The following LINGO2 variants were observed in gnomAD, a reference collection of about 807,000 sequenced individuals.
LINGO2 encodes the protein leucine-rich repeat and immunoglobulin-like domain-containing nogo receptor-interacting protein 2.
LINGO2 carries 14 observed loss-of-function variants against 30.6 expected under a neutral mutation model. The observed-to-expected ratio is 0.46, with a 90% CI of 0.30 to 0.72. LINGO2 has a LOEUF of 0.72. Ranked by LOEUF, LINGO2 falls within the 30% of genes least tolerant of loss-of-function variation. The probability of loss-of-function intolerance (pLI) is 0.07; values close to 1 mark genes in which losing one functional copy is unlikely to be tolerated. For missense variants in LINGO2, 729 were observed against 751.7 expected, an observed-to-expected ratio of 0.97 and a Z score of 0.35; for synonymous variants, 317 against 288.5, an observed-to-expected ratio of 1.10 and a Z score of -1.00.
chr9:28,962,019 G>A, the LINGO2 span, among the ~76,000 whole-genome samples: 1,767 of 152,104 alleles, frequency 0.012, 13 homozygotes, highest in Admixed American at 0.018. Context: ...AAGCTTTAGG[G>A]AAAAAATACA....
the LINGO2 span, among the ~76,000 whole-genome samples, chr9:28,895,868 T>C: frequency 6.6e-6 from 1 of 152,120 alleles, no homozygotes; most frequent in African/African-American, 2.4e-5. Flanking sequence ...TTTAAAAATT[T>C]TAGATGATTG....
At chr9:28,100,598 T>A (rs1826385657) in intron 4 of LINGO2, among the ~76,000 whole-genome samples, 1 of 152,196 alleles carries the variant, frequency 6.6e-6, no homozygotes. Flanking sequence ...AAGACAATTC[T>A]AGTTGGGCAC....
chr9:28,060,402 T>G (rs931935880), intron 4 of LINGO2, among the ~76,000 whole-genome samples: 4 of 152,204 alleles, frequency 2.6e-5, no homozygotes, highest in Non-Finnish European at 5.9e-5. Context: ...TTTCTTACTA[T>G]GTGCCAGTAC....
the LINGO2 span, among the ~76,000 whole-genome samples, chr9:28,762,729 G>A: frequency 6.6e-6 from 1 of 151,928 alleles, no homozygotes; most frequent in African/African-American, 2.4e-5. Flanking sequence ...AACTTCAGAT[G>A]GTTCTTTAGG....
chr9:29,079,311 C>G, the LINGO2 span, among the ~76,000 whole-genome samples: 1 of 151,836 alleles, frequency 6.6e-6, no homozygotes, highest in Non-Finnish European at 1.5e-5. Context: ...TCAATTTGTC[C>G]TTCTATGAAT....
At chr9:28,679,705 A>C in the LINGO2 span, among the ~76,000 whole-genome samples, 2 of 152,088 alleles carry the variant, frequency 1.3e-5, no homozygotes, top group African/African-American at 4.8e-5. Context: ...ATATGGAGAT[A>C]AAAACATGAA....
the LINGO2 span, among the ~76,000 whole-genome samples, chr9:28,860,626 T>C: frequency 3.3e-5 from 5 of 151,470 alleles, no homozygotes; most frequent in African/African-American, 9.7e-5. Flanking sequence ...TCTCTCTCTA[T>C]ATATAAAGAT....
chr9:28,074,960 A>G lies in LINGO2; in HGVS notation c.-86-62555T>C, dbSNP rs150117487. Reference sequence around the variant, plus strand: ...GTATTATACAATATTTTATACTTATAAAATTATATTTTTAATGTATTATAT... The same window carrying G: ...GTATTATACAATATTTTATACTTATGAAATTATATTTTTAATGTATTATAT... On this transcript the variant is annotated intron_variant, in intron 4 of 5. Coordinates refer to ENST00000379992, the Ensembl canonical transcript of LINGO2. Among the ~76,000 whole-genome samples, 1,305 of 151,022 alleles carry G rather than the reference A, an allele frequency of 8.6e-3. 10 individuals carry two copies. The highest frequency in any genetic ancestry group is 0.014 in the Non-Finnish European group (931 of 67,680).
At chr9:28,925,139 T>A in the LINGO2 span, among the ~76,000 whole-genome samples, 1 of 152,218 alleles carries the variant, frequency 6.6e-6, no homozygotes, top group African/African-American at 2.4e-5. Context: ...CCCATAAGTA[T>A]ATACAATTGT....
chr9:28,043,732 A>G (rs1824294585), intron 4 of LINGO2, among the ~76,000 whole-genome samples: 1 of 152,104 alleles, frequency 6.6e-6, no homozygotes, highest in South Asian at 2.1e-4. Flanking sequence ...TCCCCACCCA[A>G]TCCTCCACCT....
At chr9:28,561,944 A>T (rs1454309530) in intron 1 of LINGO2, among the ~76,000 whole-genome samples, 2 of 151,280 alleles carry the variant, frequency 1.3e-5, no homozygotes, top group Non-Finnish European at 1.5e-5. Context: ...CTGCTTTTCA[A>T]TTTGTACTCG....
intron 5 of LINGO2, among the ~76,000 whole-genome samples, chr9:27,989,576 C>CA (rs1821294924): frequency 6.6e-6 from 1 of 151,816 alleles, no homozygotes; most frequent in Non-Finnish European, 1.5e-5. Flanking sequence ...CTCAGGCAGA[C>CA]ATTAGGCCAA....
At chr9:28,569,906 AT>A (rs1432320754) in intron 1 of LINGO2, among the ~76,000 whole-genome samples, 1 of 151,998 alleles carries the variant, frequency 6.6e-6, no homozygotes, top group Non-Finnish European at 1.5e-5. Flanking sequence ...TACCTTAAAT[AT>A]TTATAATTTT....
chr9:28,154,234 T>C (rs1385620560), intron 4 of LINGO2, among the ~76,000 whole-genome samples: 2 of 152,178 alleles, frequency 1.3e-5, no homozygotes, highest in Non-Finnish European at 2.9e-5. Flanking sequence ...CTGCTATTTA[T>C]TACTATGAGA....
chr9:29,172,199 G>C, the LINGO2 span, among the ~76,000 whole-genome samples: 21 of 151,876 alleles, frequency 1.4e-4, no homozygotes, highest in South Asian at 4.1e-3. Flanking sequence ...ATTTTTGATA[G>C]TTATTCATTT....
At position 28,333,960 on chromosome 9, in the gene LINGO2, T is replaced by A. The variant is rs181947496; in HGVS notation, c.-245-38594A>T. Among the ~76,000 whole-genome samples, 21 of 152,342 alleles carry A rather than the reference T, an allele frequency of 1.4e-4. No individual in the cohort carries two copies. The East Asian group carries it at 3.3e-3, about 24-fold the overall frequency. On this transcript the variant is annotated intron_variant, in intron 3 of 5. Transcript: ENST00000379992. ...TTTCATAAAAGAAAGGGAACCATGA[T>A]ACTGGGGCACAGTAACATTAGCAAA...
At chr9:28,057,709 G>T (rs1825003091) in intron 4 of LINGO2, among the ~76,000 whole-genome samples, 1 of 137,890 alleles carries the variant, frequency 7.3e-6, no homozygotes, top group Admixed American at 7.5e-5. Context: ...AGAAGATCAA[G>T]AATACGTTCA....
chr9:28,284,787 A>G (rs1304737918), intron 4 of LINGO2, among the ~76,000 whole-genome samples: 1 of 152,200 alleles, frequency 6.6e-6, no homozygotes, highest in Non-Finnish European at 1.5e-5. Flanking sequence ...ATGATCCAAA[A>G]GACTATTATT....
At chr9:29,061,391 A>G in the LINGO2 span, among the ~76,000 whole-genome samples, 1 of 151,992 alleles carries the variant, frequency 6.6e-6, no homozygotes, top group Admixed American at 6.6e-5. Context: ...AACATTTTTG[A>G]AAAAGAAAGT....
Sources: gnomAD v4.1 joint callset for allele counts (sites outside exome capture counted in the v4.1 genomes callset) on GRCh38, gnomAD v4.1.1 for gene constraint, MANE v1.5 for transcripts, NCBI Gene and HGNC (gene_info 2026-07-23, HGNC 2026-07-21) for gene names.